Variants in GPATCH8 observed in about 807,000 individuals in gnomAD.
GPATCH8 encodes the protein G patch domain-containing protein 8.
Under a neutral mutation model 118.3 loss-of-function variants are expected in GPATCH8, and 18 were observed. The observed-to-expected ratio is 0.15, with a 90% CI of 0.11 to 0.23. The LOEUF is 0.23. Ranked by LOEUF, GPATCH8 falls within the 10% of genes least tolerant of loss-of-function variation. The probability of loss-of-function intolerance (pLI) is 1.00; values close to 1 mark genes in which losing one functional copy is unlikely to be tolerated. For missense variants in GPATCH8, 1,631 were observed against 1,873.8 expected (o/e 0.87, Z 2.39); for synonymous variants, 659 against 684.7 (o/e 0.96, Z 0.59).
At chr17:44,470,613 C>T (rs7219873) in intron 2 of GPATCH8, among the ~76,000 whole-genome samples, 81,444 of 151,678 alleles carry the variant, frequency 0.54, 22,517 homozygotes, top group Non-Finnish European at 0.61. Flanking sequence ...CCTCCTGCCT[C>T]AGCCTCCTGA....
intron 1 of GPATCH8, among the ~76,000 whole-genome samples, chr17:44,499,233 G>A (rs1413778985): frequency 6.6e-6 from 1 of 152,154 alleles, no homozygotes; most frequent in Non-Finnish European, 1.5e-5. Flanking sequence ...TTGGGAGACC[G>A]AGGTGGGTGG....
chr17:44,491,486 CAAAAAAA>C (rs1023934645), intron 1 of GPATCH8, among the ~76,000 whole-genome samples: 5 of 69,562 alleles, frequency 7.2e-5, no homozygotes, highest in Admixed American at 4.7e-4. Context: ...GACTCCGTCT[CAAAAAAA>C]AAAAAAAAAA....
At chr17:44,453,500 G>GTGTGTGTGTGTGTGTGTGTGTGT (rs1568011427) in intron 3 of GPATCH8, among the ~76,000 whole-genome samples, 75 of 142,760 alleles carry the variant, frequency 5.3e-4, no homozygotes, top group African/African-American at 1.4e-3. Flanking sequence ...GGTAGGTAGG[G>GTGTGTGTGTGTGTGTGTGTGTGT]GTGTGTGTGT....
intron 1 of GPATCH8, among the ~76,000 whole-genome samples, chr17:44,480,890 A>G (rs78381127): frequency 0.039 from 5,897 of 150,538 alleles, 152 homozygotes; most frequent in Middle Eastern, 0.075. Context: ...AAACAAAAAC[A>G]AAAAAAAACA....
intron 3 of GPATCH8, among the ~76,000 whole-genome samples, chr17:44,443,504 T>C (rs1003641736): frequency 2.0e-5 from 3 of 152,096 alleles, no homozygotes; most frequent in Non-Finnish European, 4.4e-5. Context: ...ACTGAAAACA[T>C]TGAGCACATT....
At chr17:44,502,620 G>A (rs1346628541) in intron 1 of GPATCH8, among the ~76,000 whole-genome samples, 3 of 152,126 alleles carry the variant, frequency 2.0e-5, no homozygotes, top group African/African-American at 7.2e-5. Flanking sequence ...CCCCATGCGT[G>A]GACGGCCTAT....
At chr17:44,406,224 T>C (rs957255986) in intron 6 of GPATCH8, among the ~76,000 whole-genome samples, 173 bp from the exon 7 acceptor site, 5 of 152,232 alleles carry the variant, frequency 3.3e-5, no homozygotes, top group South Asian at 2.1e-4. Flanking sequence ...ACTTTGGGTA[T>C]AGCACTTGCA....
At chr17:44,449,376 T>G (rs1250485876) in intron 3 of GPATCH8, among the ~76,000 whole-genome samples, 13 of 152,178 alleles carry the variant, frequency 8.5e-5, no homozygotes, top group Admixed American at 4.6e-4. Flanking sequence ...TTGCTTGTTT[T>G]CTTTTTCAGT....
chr17:44,498,414 A>T (rs1197207132), intron 1 of GPATCH8, among the ~76,000 whole-genome samples: 5 of 152,162 alleles, frequency 3.3e-5, no homozygotes, highest in African/African-American at 1.2e-4. Flanking sequence ...ATTACAACTT[A>T]AGTCTCTCTC....
At chr17:44,494,351 G>A (rs1054256287) in intron 1 of GPATCH8, among the ~76,000 whole-genome samples, 1 of 152,094 alleles carries the variant, frequency 6.6e-6, no homozygotes, top group Non-Finnish European at 1.5e-5. Flanking sequence ...CAGCACTTTG[G>A]GAGGCCGAGG....
chr17:44,409,062 G>A (rs546671407), intron 6 of GPATCH8: 20 of 152,262 alleles, frequency 1.3e-4, no homozygotes, highest in African/African-American at 4.6e-4. Context: ...TTTTTTAAGA[G>A]ACAAGGTCTC....
At chr17:44,423,077 C>T (rs1238513875) in intron 6 of GPATCH8, among the ~76,000 whole-genome samples, 6 of 151,798 alleles carry the variant, frequency 4.0e-5, no homozygotes, top group Admixed American at 3.9e-4. Context: ...CCCATCTCTA[C>T]TAAAAATACA....
At chr17:44,496,535 A>G (rs1969680036) in intron 1 of GPATCH8, among the ~76,000 whole-genome samples, 1 of 152,250 alleles carries the variant, frequency 6.6e-6, no homozygotes, top group African/African-American at 2.4e-5. Context: ...GCGTATTACA[A>G]AGACACTTTC....
In GPATCH8 at chr17:44,400,914, GC is replaced by G. The variant is rs1169284224; in HGVS notation, c.1162del (p.Ala388LeufsTer17). ...KRMKREEGAG[A>X]TEPEYYHYIP... ...GTAGTGGTAATACTCAGGCTCTGTA[GC>G]CCCAGCTCCTTCTTCTCGTTTCATC... On this transcript the variant is annotated frameshift_variant, in exon 8 of 8. Transcript: ENST00000591680. LOFTEE classifies it high-confidence loss of function. The G allele has an allele frequency of 6.2e-7, 1 of 1,613,988 alleles. No homozygotes were observed. Among genetic ancestry groups the G allele is most frequent in the Non-Finnish European group, 8.5e-7 (1 of 1,179,982 alleles).
intron 6 of GPATCH8, among the ~76,000 whole-genome samples, chr17:44,422,691 C>A (rs562838340): frequency 6.6e-6 from 1 of 151,462 alleles, no homozygotes; most frequent in East Asian, 2.0e-4. Flanking sequence ...AGGGTTTCAC[C>A]GTGGTCTTGA....
At chr17:44,413,930 G>C (rs1253468735) in intron 6 of GPATCH8, among the ~76,000 whole-genome samples, 1 of 151,836 alleles carries the variant, frequency 6.6e-6, no homozygotes, top group African/African-American at 2.4e-5. Context: ...AGGCCGAATA[G>C]TCCAATATCA....
chr17:44,454,920 A>G (rs994941804), intron 3 of GPATCH8, among the ~76,000 whole-genome samples: 1 of 152,222 alleles, frequency 6.6e-6, no homozygotes, highest in African/African-American at 2.4e-5. Flanking sequence ...GCCTTTGGCA[A>G]CTGTATGAAG....
chr17:44,475,657 G>T (rs1162596195), intron 1 of GPATCH8, among the ~76,000 whole-genome samples: 2 of 151,920 alleles, frequency 1.3e-5, no homozygotes, highest in Non-Finnish European at 2.9e-5. Context: ...TCGCACCACT[G>T]CATTTCAGCC....
chr17:44,482,064 T>C (rs946306282), intron 1 of GPATCH8, among the ~76,000 whole-genome samples: 1 of 152,024 alleles, frequency 6.6e-6, no homozygotes, highest in African/African-American at 2.4e-5. Flanking sequence ...GAGGTTGCAG[T>C]GAGCCAAGGT....
Sources: allele counts gnomAD v4.1 joint callset (sites outside exome capture counted in the v4.1 genomes callset), GRCh38; gene constraint gnomAD v4.1.1; transcripts MANE v1.5; gene names NCBI Gene and HGNC (gene_info 2026-07-23, HGNC 2026-07-21).